Variants in NAA15 observed in about 807,000 individuals in gnomAD.
NAA15 encodes the protein N-alpha-acetyltransferase 15, NatA auxiliary subunit.
NAA15 carries 34 observed loss-of-function variants against 114.0 expected under a neutral mutation model. That is an observed-to-expected ratio of 0.30 (90% CI 0.23 to 0.40). The LOEUF (loss-of-function observed/expected upper bound fraction) is 0.40. NAA15 is among the 10% of genes least tolerant of loss of function. The pLI is 1.00. For missense variants in NAA15, 658 were observed against 1,004.5 expected (o/e 0.66, Z 4.66); for synonymous variants, 340 against 338.0 (o/e 1.01, Z -0.06).
In NAA15 at chr4:139,315,006, T is replaced by TTAGGTTAGGTTAGG. The variant is rs1553992520; in HGVS notation, c.54+13176_54+13177insAGGTTAGGTTAGGT. Among the ~76,000 whole-genome samples the TTAGGTTAGGTTAGG allele has an allele frequency of 6.9e-5, 7 of 101,554 alleles. No homozygotes were observed. In the East Asian group the frequency reaches 8.1e-4, roughly 12 times the overall value. The allele number at this position is 101,554 out of a possible 152,430, so 66.6% of individuals were successfully genotyped here. Reference sequence around the variant, plus strand: ...AAGCGTTCAGTTCAGTTCAGTTTAGTTTAGGTTAGGTTAGGTTAGGTTAGG... The same window carrying TTAGGTTAGGTTAGG: ...AAGCGTTCAGTTCAGTTCAGTTTAGTTAGGTTAGGTTAGGTTAGGTTAGGTTAGGTTAGGTTAGG... On this transcript the variant is annotated intron_variant, in intron 1 of 19. Transcript: ENST00000296543.
intron 6 of NAA15, among the ~76,000 whole-genome samples, chr4:139,345,686 C>T (rs1425245321): frequency 6.6e-6 from 1 of 152,010 alleles, no homozygotes; most frequent in Admixed American, 6.6e-5. Context: ...TTTGGGAGGC[C>T]GAGGCAGGTG....
At chr4:139,376,626 A>G in intron 16 of NAA15, among the ~76,000 whole-genome samples, 153 bp downstream of exon 16, 1 of 152,240 alleles carries the variant, frequency 6.6e-6, no homozygotes, top group East Asian at 1.9e-4. Context: ...CAGAATGTGT[A>G]GGGAGATATA....
intron 7 of NAA15, among the ~76,000 whole-genome samples, chr4:139,350,664 C>G (rs188774941): frequency 1.3e-5 from 2 of 152,244 alleles, no homozygotes; most frequent in Admixed American, 6.5e-5. Flanking sequence ...TTAGGAACAC[C>G]AGCAAGGAAT....
intron 1 of NAA15, among the ~76,000 whole-genome samples, chr4:139,314,987 TCAG>T (rs1560952632): frequency 0.11 from 8,526 of 79,546 alleles, 1,121 homozygotes; most frequent in Non-Finnish European, 0.14. Context: ...AGAGAAGCGT[TCAG>T]TTCAGTTCAG....
chr4:139,383,922 G>A (rs970937873), intron 17 of NAA15, among the ~76,000 whole-genome samples: 3 of 152,212 alleles, frequency 2.0e-5, no homozygotes, highest in African/African-American at 7.2e-5. Flanking sequence ...GGGTATAGAG[G>A]AAGATAGGGA....
intron 14 of NAA15, 37 bp from the exon 15 acceptor site, chr4:139,370,174 T>C: frequency 7.2e-7 from 1 of 1,388,340 alleles, no homozygotes; most frequent in Non-Finnish European, 9.6e-7. Context: ...CTGATTAACA[T>C]GCTTGTTAAT....
chr4:139,337,025 T>G, intron 3 of NAA15, 73 bp downstream of exon 3: 1 of 858,484 alleles, frequency 1.2e-6, no homozygotes, highest in Non-Finnish European at 1.8e-6. Flanking sequence ...AGAGTCAAAG[T>G]TTTAGATCTC....
At chr4:139,376,561 T>C (rs369032779) in intron 16 of NAA15, 88 bp downstream of exon 16, 2 of 798,934 alleles carry the variant, frequency 2.5e-6, no homozygotes, top group African/African-American at 1.7e-5. Context: ...CTTACCACTG[T>C]ACGATTATTT....
At chr4:139,321,299 T>A (rs1414886840) in intron 1 of NAA15, among the ~76,000 whole-genome samples, 4 of 152,128 alleles carry the variant, frequency 2.6e-5, no homozygotes, top group African/African-American at 9.6e-5. Flanking sequence ...TGAGATTTTC[T>A]GTTTCTTCTT....
intron 18 of NAA15, among the ~76,000 whole-genome samples, chr4:139,385,598 G>C (rs985770363): frequency 1.3e-5 from 2 of 152,102 alleles, no homozygotes; most frequent in Non-Finnish European, 2.9e-5. Context: ...CAGTTTGTGA[G>C]AAATCTAAGT....
chr4:139,374,296 C>G (rs1435910927), intron 15 of NAA15, among the ~76,000 whole-genome samples: 1 of 152,162 alleles, frequency 6.6e-6, no homozygotes, highest in Non-Finnish European at 1.5e-5. Context: ...CCTAAGTGAA[C>G]TCAACTCTTC....
intron 1 of NAA15, among the ~76,000 whole-genome samples, chr4:139,306,896 T>C (rs972727069): frequency 6.6e-6 from 1 of 152,224 alleles, no homozygotes; most frequent in Non-Finnish European, 1.5e-5. Context: ...TTGCTGTTGC[T>C]GCTGCTTCCT....
At chr4:139,351,702 C>G in intron 9 of NAA15, 91 bp downstream of exon 9, 1 of 618,258 alleles carries the variant, frequency 1.6e-6, no homozygotes, top group Non-Finnish European at 2.8e-6. Flanking sequence ...CACAGTAGTA[C>G]GTGTTTTGTG....
At chr4:139,320,624 G>A (rs1426978731) in intron 1 of NAA15, among the ~76,000 whole-genome samples, 1 of 152,138 alleles carries the variant, frequency 6.6e-6, no homozygotes, top group East Asian at 1.9e-4. Flanking sequence ...GGGTTCAAGC[G>A]ATTCTCCTGC....
Position 139,338,455 on chromosome 4 carries a change from T to C in NAA15, c.244+1503T>C, listed in dbSNP as rs921872276. Reference sequence around the variant, plus strand: ...TCTGGGGTTTTTTTTTGTTTGTTTGTGCTTTTTTTTAGATGGAGTTTTGAT... The same window carrying C: ...TCTGGGGTTTTTTTTTGTTTGTTTGCGCTTTTTTTTAGATGGAGTTTTGAT... On this transcript the variant is annotated intron_variant, in intron 3 of 19. Transcript: ENST00000296543. Among the ~76,000 whole-genome samples the C allele has an allele frequency of 4.6e-5, 7 of 152,260 alleles. No homozygotes were observed. The East Asian group carries it at 7.7e-4, about 17-fold the overall frequency.
chr4:139,304,552 C>T (rs188500288), intron 1 of NAA15, among the ~76,000 whole-genome samples: 8 of 152,156 alleles, frequency 5.3e-5, no homozygotes, highest in Admixed American at 2.0e-4. Flanking sequence ...ATAACCTATG[C>T]GAATGTATAC....
intron 17 of NAA15, among the ~76,000 whole-genome samples, chr4:139,383,480 A>G (rs1352053886): frequency 6.6e-6 from 1 of 152,078 alleles, no homozygotes; most frequent in Non-Finnish European, 1.5e-5. Flanking sequence ...TCATTTATGT[A>G]TTTATTTTGA....
rs553941111 is a variant in NAA15 at position 139,371,353 on chromosome 4, G to A, written c.1947+949G>A. On this transcript the variant is annotated intron_variant, in intron 15 of 19. Coordinates refer to ENST00000296543, the MANE Select transcript of NAA15 (RefSeq NM_057175.5). ...GCCTATAGTTCCAACTATATAGGAG[G>A]CTGAGGTGGGAGGATCACTTGAATC... Among the ~76,000 whole-genome samples, 34 of 152,010 alleles carry A rather than the reference G, an allele frequency of 2.2e-4. No homozygotes were observed. The South Asian group carries it at 3.7e-3, about 17-fold the overall frequency.
At chr4:139,323,082 G>A (rs1247751110) in intron 1 of NAA15, among the ~76,000 whole-genome samples, 2 of 119,702 alleles carry the variant, frequency 1.7e-5, no homozygotes, top group Non-Finnish European at 3.4e-5. Context: ...TTGAGATAGA[G>A]TTTTGCTCTT....
Sources: gnomAD v4.1 joint callset for allele counts (sites outside exome capture counted in the v4.1 genomes callset) on GRCh38, gnomAD v4.1.1 for gene constraint, MANE v1.5 for transcripts, NCBI Gene and HGNC (gene_info 2026-07-23, HGNC 2026-07-21) for gene names.